KCNH5: variants seen among roughly 807,000 people sequenced by gnomAD.
KCNH5 encodes the protein voltage-gated delayed rectifier potassium channel KCNH5.
In KCNH5, 46 loss-of-function variants were observed where a neutral mutation model predicts 96.1. The ratio of observed to expected loss-of-function variants is 0.48; its 90% CI spans 0.38 to 0.61. The LOEUF (loss-of-function observed/expected upper bound fraction) is 0.61. Ranked by LOEUF, KCNH5 falls within the 20% of genes least tolerant of loss-of-function variation. The pLI is 0.00. For synonymous variants in KCNH5, 439 were observed against 449.8 expected, an observed-to-expected ratio of 0.98 and a Z score of 0.30; for missense variants, 907 against 1,225.8, an observed-to-expected ratio of 0.74 and a Z score of 3.88.
intron 10 of KCNH5, among the ~76,000 whole-genome samples, chr14:62,712,893 C>T (rs1595589911): frequency 6.6e-6 from 1 of 152,144 alleles, no homozygotes; most frequent in Non-Finnish European, 1.5e-5. Flanking sequence ...TTCAAGGACA[C>T]CTTGTGTTTT....
At chr14:62,939,396 C>T (rs1157223888) in intron 7 of KCNH5, among the ~76,000 whole-genome samples, 1 of 152,188 alleles carries the variant, frequency 6.6e-6, no homozygotes, top group Non-Finnish European at 1.5e-5. Flanking sequence ...CCAAAGAGAT[C>T]TCTCTGTGCC....
chr14:62,716,516 G>A (rs189990861), intron 10 of KCNH5, among the ~76,000 whole-genome samples: 3 of 152,002 alleles, frequency 2.0e-5, no homozygotes, highest in South Asian at 2.1e-4. Flanking sequence ...CTTTGAGTTC[G>A]AGCATGTATT....
rs779367174 is a variant in KCNH5, at chr14:62,703,339, G to C, written c.*4169C>G. On this transcript the variant is annotated 3_prime_UTR_variant, in exon 11 of 11. Coordinates refer to ENST00000322893, the MANE Select transcript of KCNH5 (RefSeq NM_139318.5). Reference sequence around the variant, plus strand: ...TCCCTGAAATCTCTTCTAAAATCTAGAAGAATATTTTGATAGAGAGTACAT... The same window carrying C: ...TCCCTGAAATCTCTTCTAAAATCTACAAGAATATTTTGATAGAGAGTACAT... The C allele has an allele frequency of 6.6e-6, 1 of 151,734 alleles. No individual in the cohort carries two copies. The highest frequency in any genetic ancestry group is 1.5e-5 in the Non-Finnish European group (1 of 67,742). The allele number at this position is 151,734 out of a possible 1,614,324, so 9.4% of individuals were successfully genotyped here.
intron 8 of KCNH5, among the ~76,000 whole-genome samples, chr14:62,841,945 C>G (rs901479619): frequency 6.6e-6 from 1 of 152,192 alleles, no homozygotes; most frequent in African/African-American, 2.4e-5. Context: ...GGCTATCAAA[C>G]GATTCCTTTG....
Position 62,707,590 on chromosome 14 carries a change from G to A in KCNH5, c.2885C>T (p.Pro962Leu), listed in dbSNP as rs1315039700. 2.0e-6 allele frequency: 3 copies of A among 1,532,948 alleles called. No homozygotes were observed. Among genetic ancestry groups the A allele is most frequent in the Admixed American group, 2.0e-5 (1 of 49,910 alleles). The allele number at this position is 1,532,948 out of a possible 1,614,324, so 95.0% of individuals were successfully genotyped here. ...AATATCCTGACATGGTATCTGGGGG[G>A]GTACTTGGAGTGGCATTTGGGATTT... ...SPKSQMPLQV[P>L]PQIPCQDIFS... Residue 962 changes from proline (P) to leucine (L), a missense_variant, in exon 11 of 11, where the codon CCC becomes CTC. By Grantham distance (98) the Pro-to-Leu change is moderately conservative. Around this residue, in one of 6 missense-constraint regions of KCNH5, gnomAD observed 362 missense variants for 394.4 expected, o/e 0.92. Transcript: ENST00000322893.
chr14:62,758,421 T>A (rs1487209079), intron 10 of KCNH5, among the ~76,000 whole-genome samples: 1 of 152,014 alleles, frequency 6.6e-6, no homozygotes, highest in Non-Finnish European at 1.5e-5. Flanking sequence ...AAAATTCTTT[T>A]AAAAAAAGAA....
chr14:62,805,945 C>A (rs1041436233), intron 8 of KCNH5, among the ~76,000 whole-genome samples: 1 of 152,094 alleles, frequency 6.6e-6, no homozygotes, highest in Non-Finnish European at 1.5e-5. Flanking sequence ...CTGAAAGCTA[C>A]TGGGCTGCAT....
intron 1 of KCNH5, among the ~76,000 whole-genome samples, chr14:63,025,777 C>T (rs1038464584): frequency 3.3e-5 from 5 of 151,570 alleles, no homozygotes; most frequent in Admixed American, 1.3e-4. Flanking sequence ...ATTGTTAAAA[C>T]GTCCATACTA....
intron 7 of KCNH5, among the ~76,000 whole-genome samples, chr14:62,880,307 C>T (rs1487756388): frequency 2.0e-5 from 3 of 152,184 alleles, no homozygotes; most frequent in Non-Finnish European, 4.4e-5. Flanking sequence ...AACACATACA[C>T]GTGCACACTC....
At chr14:62,835,765 T>C (rs1410512516) in intron 8 of KCNH5, among the ~76,000 whole-genome samples, 1 of 151,936 alleles carries the variant, frequency 6.6e-6, no homozygotes, top group East Asian at 1.9e-4. Flanking sequence ...AAAATAAAGT[T>C]ACAAGAAACA....
chr14:62,813,048 T>C (rs933255900), intron 8 of KCNH5, among the ~76,000 whole-genome samples: 4 of 152,154 alleles, frequency 2.6e-5, no homozygotes, highest in Non-Finnish European at 5.9e-5. Flanking sequence ...CTTGTACCTA[T>C]ATCAGATTGT....
chr14:62,960,425 A>G (rs1890184521), intron 6 of KCNH5, among the ~76,000 whole-genome samples: 1 of 152,164 alleles, frequency 6.6e-6, no homozygotes, highest in Non-Finnish European at 1.5e-5. Context: ...AACATTAATT[A>G]AAGAATAACC....
chr14:62,759,054 CAA>C (rs10558723), intron 10 of KCNH5, among the ~76,000 whole-genome samples: 8,733 of 152,194 alleles, frequency 0.057, 386 homozygotes, highest in East Asian at 0.24. Context: ...GTTCTGAGAA[CAA>C]AAGTCTTTAT....
intron 10 of KCNH5, among the ~76,000 whole-genome samples, chr14:62,743,683 T>C (rs1885319181): frequency 6.6e-6 from 1 of 152,150 alleles, no homozygotes; most frequent in Admixed American, 6.6e-5. Flanking sequence ...CTGCTGGGCC[T>C]CACAGCTGAG....
intron 8 of KCNH5, among the ~76,000 whole-genome samples, chr14:62,842,450 G>A (rs536427576): frequency 6.6e-6 from 1 of 152,300 alleles, no homozygotes; most frequent in East Asian, 1.9e-4. Context: ...GGTAACAACT[G>A]AGAAACACAT....
At chr14:62,941,305 A>T (rs1412055999) in intron 7 of KCNH5, among the ~76,000 whole-genome samples, 4 of 152,204 alleles carry the variant, frequency 2.6e-5, no homozygotes, top group Non-Finnish European at 5.9e-5. Flanking sequence ...TGTGACTAGG[A>T]ATGAAAAGAA....
At chr14:62,743,062 A>T (rs575287606) in intron 10 of KCNH5, among the ~76,000 whole-genome samples, 2 of 152,268 alleles carry the variant, frequency 1.3e-5, no homozygotes, top group East Asian at 3.9e-4. Flanking sequence ...TGGCTCAACT[A>T]CAAGTGAGTT....
At chr14:62,951,972 A>AAC (rs1471201807) in intron 6 of KCNH5, among the ~76,000 whole-genome samples, 1 of 151,652 alleles carries the variant, frequency 6.6e-6, no homozygotes, top group East Asian at 1.9e-4. Context: ...CAAAAAAAAA[A>AAC]AAAAAAAAAA....
chr14:62,910,922 C>CAT, intron 7 of KCNH5, among the ~76,000 whole-genome samples: 1 of 142,762 alleles, frequency 7.0e-6, no homozygotes, highest in African/African-American at 2.7e-5. Flanking sequence ...CACACACACA[C>CAT]ACACACACAC....
Sources: gnomAD v4.1 joint callset for allele counts (sites outside exome capture counted in the v4.1 genomes callset) on GRCh38, gnomAD v4.1.1 for gene constraint, gnomAD v4.1.1 regional missense constraint, MANE v1.5 for transcripts, NCBI Gene and HGNC (gene_info 2026-07-23, HGNC 2026-07-21) for gene names.